NDUFA10: variants seen among roughly 807,000 people sequenced by gnomAD.
The protein encoded by NDUFA10 is NADH dehydrogenase [ubiquinone] 1 alpha subcomplex subunit 10, mitochondrial.
NDUFA10 carries 40 observed loss-of-function variants against 47.8 expected under a neutral mutation model. The observed-to-expected ratio is 0.84, with a 90% CI of 0.65 to 1.09. The LOEUF (loss-of-function observed/expected upper bound fraction) is 1.09, where lower values mean the gene tolerates loss of function less well. NDUFA10 is among the 50% of genes least tolerant of loss of function. The pLI is 0.00. For missense variants in NDUFA10, 413 were observed against 451.1 expected (o/e 0.92, Z 0.76); for synonymous variants, 183 against 172.2 (o/e 1.06, Z -0.49).
At chr2:239,963,551 G>T (rs1021623291) in intron 9 of NDUFA10, among the ~76,000 whole-genome samples, 50 of 152,306 alleles carry the variant, frequency 3.3e-4, no homozygotes, top group African/African-American at 1.2e-3. Flanking sequence ...GGCCTGACGG[G>T]GTCAGGAAGG....
chr2:239,995,151 G>C (rs1467962458), intron 8 of NDUFA10, among the ~76,000 whole-genome samples: 1 of 152,138 alleles, frequency 6.6e-6, no homozygotes, highest in African/African-American at 2.4e-5. Context: ...GTGCACGCCT[G>C]TAGTATCAGC....
chr2:240,018,695 C>T, intron 3 of NDUFA10, 56 bp from the exon 4 acceptor site: 2 of 1,528,300 alleles, frequency 1.3e-6, no homozygotes, highest in South Asian at 1.1e-5. Flanking sequence ...AAAGCACTGT[C>T]AACTGATCAC....
chr2:240,000,149 C>G (rs919519717), intron 8 of NDUFA10, among the ~76,000 whole-genome samples: 1 of 152,224 alleles, frequency 6.6e-6, no homozygotes, highest in African/African-American at 2.4e-5. Context: ...CTATACTAGA[C>G]ATTTCATCGT....
intron 4 of NDUFA10, among the ~76,000 whole-genome samples, chr2:239,904,677 G>T (rs1468458729): frequency 6.6e-6 from 1 of 152,196 alleles, no homozygotes; most frequent in Admixed American, 6.5e-5. Context: ...GAGAGCCAGG[G>T]CCCCACCCCA....
In NDUFA10 at chr2:239,919,204, T is replaced by C. The variant is rs909492159; in HGVS notation, c.295-23890A>G. Reference sequence around the variant, plus strand: ...TGGACCTTCGGTGGCACAGAAGGCATGCAGCTCTGGAGCCACTGACAACAG... The same window carrying C: ...TGGACCTTCGGTGGCACAGAAGGCACGCAGCTCTGGAGCCACTGACAACAG... On this transcript the variant is annotated intron_variant, in intron 4 of 5. Transcript: ENST00000419408. 4.6e-5 allele frequency among the ~76,000 whole-genome samples: 7 copies of C among 152,210 alleles called. 1 individual carries two copies. The highest frequency in any genetic ancestry group is 1.3e-4 in the Admixed American group (2 of 15,288).
chr2:240,019,421 T>C (rs1455550999), intron 3 of NDUFA10, among the ~76,000 whole-genome samples: 1 of 152,036 alleles, frequency 6.6e-6, no homozygotes, highest in Non-Finnish European at 1.5e-5. Context: ...GGGAAATAGG[T>C]TACTATAGCA....
At chr2:239,939,779 T>C (rs1694328502) in intron 4 of NDUFA10, among the ~76,000 whole-genome samples, 1 of 152,232 alleles carries the variant, frequency 6.6e-6, no homozygotes, top group Non-Finnish European at 1.5e-5. Context: ...CACTACCCAC[T>C]GGAAGCACAG....
At chr2:239,907,946 A>C (rs545370369) in intron 4 of NDUFA10, among the ~76,000 whole-genome samples, 1 of 152,330 alleles carries the variant, frequency 6.6e-6, no homozygotes, top group South Asian at 2.1e-4. Context: ...ACACATGCAC[A>C]TGTATGTTTA....
intron 2 of NDUFA10, among the ~76,000 whole-genome samples, chr2:240,021,907 T>G (rs937440399): frequency 1.3e-5 from 2 of 152,204 alleles, no homozygotes; most frequent in Non-Finnish European, 2.9e-5. Context: ...GTGCCCTGCT[T>G]ACACTGCCCA....
chr2:240,014,614 G>A, intron 5 of NDUFA10, 125 bp downstream of exon 5: 1 of 1,445,264 alleles, frequency 6.9e-7, no homozygotes, highest in Non-Finnish European at 9.7e-7. Flanking sequence ...AGTGGGAACA[G>A]GGTGTGTGTC....
intron 4 of NDUFA10, among the ~76,000 whole-genome samples, chr2:239,920,157 C>A (rs548111711): frequency 1.3e-5 from 2 of 152,324 alleles, no homozygotes; most frequent in African/African-American, 4.8e-5. Context: ...CATGATGGGA[C>A]TGGGACAGCA....
chr2:239,959,856 G>A lies in NDUFA10; in HGVS notation c.*1262C>T, dbSNP rs759194775. 1.1e-4 allele frequency: 104 copies of A among 962,474 alleles called. No individual in the cohort carries two copies. The highest frequency in any genetic ancestry group is 1.3e-4 in the Non-Finnish European group (102 of 809,450). The allele number at this position is 962,474 out of a possible 1,614,324, so 59.6% of individuals were successfully genotyped here. ...AAGAAGGAGGGAAGGAAGGGGAGAG[G>A]GAAAAAGGCAGGCGGACGCAAGGAG... On this transcript the variant is annotated 3_prime_UTR_variant, in exon 10 of 10. Transcript: ENST00000252711.
Position 240,016,594 on chromosome 2 carries a change from C to G in NDUFA10, c.548-1734G>C. 6.6e-6 allele frequency among the ~76,000 whole-genome samples: 1 copy of G among 152,150 alleles called. No individual in the cohort carries two copies. The highest frequency in any genetic ancestry group is 1.9e-4 in the East Asian group (1 of 5,188). ...GCACATGTGACACCAACAACCAACC[C>G]TCCCCACATCCCCTCTGCTTCCTCC... On this transcript the variant is annotated intron_variant, in intron 4 of 9. Coordinates refer to ENST00000252711, the MANE Select transcript of NDUFA10 (RefSeq NM_004544.4). This position sits in a 1 kb window ranked among gnomAD's most constrained non-coding sequence, Gnocchi z 4.4.
At chr2:240,003,218 G>C (rs1026042461) in intron 8 of NDUFA10, among the ~76,000 whole-genome samples, 3 of 152,132 alleles carry the variant, frequency 2.0e-5, no homozygotes, top group Admixed American at 2.0e-4. Flanking sequence ...CAGTGAGCCA[G>C]CTGTCCCTCT....
intron 9 of NDUFA10, among the ~76,000 whole-genome samples, chr2:239,962,018 C>T (rs1694872510): frequency 6.6e-6 from 1 of 152,218 alleles, no homozygotes; most frequent in Admixed American, 6.5e-5. Context: ...CACAAAGACG[C>T]CTGTTCATGA....
chr2:239,969,783 T>G, intron 9 of NDUFA10: 1 of 471,178 alleles, frequency 2.1e-6, no homozygotes, highest in South Asian at 1.5e-5. Flanking sequence ...ACAATGCAAT[T>G]AACAGCATAT....
chr2:239,910,562 G>C (rs760786179), intron 4 of NDUFA10, among the ~76,000 whole-genome samples: 5 of 152,024 alleles, frequency 3.3e-5, no homozygotes, highest in Non-Finnish European at 7.4e-5. Flanking sequence ...GGGGCCTGCT[G>C]GGGGGTGTTG....
In NDUFA10 at chr2:239,936,933, CTG is replaced by C. The variant is rs1268515838; in HGVS notation, c.295-41621_295-41620del. ...CACAGTCGCGCCACTGGACTCCAGC[CTG>C]GGTGACAGAGAGAGACCCTGTCTCA... On this transcript the variant is annotated intron_variant, in intron 4 of 5. Coordinates refer to the NDUFA10 transcript ENST00000419408. 8.5e-5 allele frequency among the ~76,000 whole-genome samples: 13 copies of C among 152,314 alleles called. No individual in the cohort carries two copies. In the South Asian group the frequency reaches 2.7e-3, roughly 32 times the overall value.
chr2:239,941,372 C>T (rs13393968), intron 4 of NDUFA10, among the ~76,000 whole-genome samples: 2,646 of 152,156 alleles, frequency 0.017, 79 homozygotes, highest in African/African-American at 0.061. Flanking sequence ...GTGAATGCAC[C>T]GGGGGCACAG....
Sources: gnomAD v4.1 joint callset for allele counts (sites outside exome capture counted in the v4.1 genomes callset) on GRCh38, gnomAD v4.1.1 for gene constraint, Gnocchi (gnomAD v3.1) non-coding constraint, MANE v1.5 for transcripts, NCBI Gene and HGNC (gene_info 2026-07-23, HGNC 2026-07-21) for gene names.